Variants in ACOX3 observed in about 807,000 individuals in gnomAD.
The protein encoded by ACOX3 is acyl-CoA oxidase 3, pristanoyl.
ACOX3 carries 73 observed loss-of-function variants against 81.5 expected under a neutral mutation model. That is an observed-to-expected ratio of 0.90 (90% CI 0.74 to 1.09). The LOEUF is 1.09. Ranked by LOEUF, ACOX3 falls within the 50% of genes least tolerant of loss-of-function variation. The probability of loss-of-function intolerance (pLI) is 0.00; values close to 1 mark genes in which losing one functional copy is unlikely to be tolerated. For synonymous variants in ACOX3, 387 were observed against 375.1 expected (o/e 1.03, Z -0.37); for missense variants, 947 against 928.0 (o/e 1.02, Z -0.27).
intron 1 of ACOX3, among the ~76,000 whole-genome samples, chr4:8,435,832 T>C (rs1724206007): frequency 6.6e-6 from 1 of 152,110 alleles, no homozygotes; most frequent in African/African-American, 2.4e-5. Flanking sequence ...ACAGAAATTC[T>C]TTCTCCATAT....
At position 8,386,348 on chromosome 4, in the gene ACOX3, C is replaced by T. The variant is rs186828960; in HGVS notation, c.1537+2825G>A. Among the ~76,000 whole-genome samples the T allele has an allele frequency of 1.4e-4, 21 of 152,132 alleles. No homozygotes were observed. In the East Asian group the frequency reaches 2.1e-3, roughly 15 times the overall value. ...TCGGGAGGCCAAGGTGGGCGGATCA[C>T]GAGGTCAGGATATCGAGACCATCCT... On this transcript the variant is annotated intron_variant, in intron 13 of 17. Coordinates refer to ENST00000356406, the MANE Select transcript of ACOX3 (RefSeq NM_003501.3). The surrounding 1 kb of genome is among the most constrained non-coding windows in gnomAD (Gnocchi z 5.2).
At chr4:8,425,098 C>T (rs1262680348) in intron 1 of ACOX3, among the ~76,000 whole-genome samples, 4 of 152,132 alleles carry the variant, frequency 2.6e-5, no homozygotes, top group Non-Finnish European at 4.4e-5. Flanking sequence ...CGAGGGAACA[C>T]CTATCAAATC....
intron 1 of ACOX3, among the ~76,000 whole-genome samples, chr4:8,434,952 T>C (rs1390834816): frequency 6.6e-6 from 1 of 152,210 alleles, no homozygotes; most frequent in Non-Finnish European, 1.5e-5. Flanking sequence ...GAGTAACCTT[T>C]TACCCTTTCC....
At position 8,416,411 on chromosome 4, in the gene ACOX3, C is replaced by A; in HGVS notation, c.111G>T (p.Leu37=). ...GGAGCATGCCCTCCCCTTCCGTGAA[C>A]AGCGCCAGCTCCTTCCAGCTGAAGG... The part of the protein sequence containing the change: ...RASFSWKELA[L]FTEGEGMLRF... The change falls in exon 2 of 18, where the codon CTG becomes CTT. Residue 37 remains leucine, a synonymous_variant. Coordinates refer to ENST00000356406, the MANE Select transcript of ACOX3 (RefSeq NM_003501.3). This position sits in a 1 kb window ranked among gnomAD's most constrained non-coding sequence, Gnocchi z 4.2. 6.2e-7 allele frequency: 1 copy of A among 1,614,216 alleles called. No homozygotes were observed. The highest frequency in any genetic ancestry group is 1.1e-5 in the South Asian group (1 of 91,090).
chr4:8,363,314 A>T (rs958929822), downstream of ACOX3, among the ~76,000 whole-genome samples: 44 of 152,224 alleles, frequency 2.9e-4, 1 homozygote, highest in Non-Finnish European at 4.4e-5. Context: ...CTCTTTGTGT[A>T]GGAATATAGG....
Position 8,431,521 on chromosome 4 carries a change from T to C in ACOX3, c.-15+9127A>G, listed in dbSNP as rs1482498663. 6.6e-6 allele frequency among the ~76,000 whole-genome samples: 1 copy of C among 152,206 alleles called. No individual in the cohort carries two copies. Among genetic ancestry groups the C allele is most frequent in the African/African-American group, 2.4e-5 (1 of 41,454 alleles). On this transcript the variant is annotated intron_variant, in intron 1 of 17. Coordinates refer to ENST00000356406, the MANE Select transcript of ACOX3 (RefSeq NM_003501.3). The surrounding 1 kb of genome is among the most constrained non-coding windows in gnomAD (Gnocchi z 5.3). ...GAGAGGAAGGGGTCGTGCTACACTCTGTTGTATTTGGGACCTGGGTGGATG... is the reference window on the plus strand; with the variant it reads ...GAGAGGAAGGGGTCGTGCTACACTCCGTTGTATTTGGGACCTGGGTGGATG...
At position 8,368,814 on chromosome 4, in the gene ACOX3, G is replaced by A. The variant is rs1013044676; in HGVS notation, c.1984-1734C>T. Among the ~76,000 whole-genome samples the A allele has an allele frequency of 6.7e-6, 1 of 150,230 alleles. No individual in the cohort carries two copies. Among genetic ancestry groups the A allele is most frequent in the Non-Finnish European group, 1.5e-5 (1 of 67,760 alleles). The stretch of plus-strand genomic sequence containing the variant: ...CGCGATCACTGCCCACCACAGCCTC[G>A]ACCTCCCCAAGCTCAGGGGATCCTC... On this transcript the variant is annotated intron_variant, in intron 17 of 17. Coordinates refer to ENST00000356406, the MANE Select transcript of ACOX3 (RefSeq NM_003501.3). This position sits in a 1 kb window ranked among gnomAD's most constrained non-coding sequence, Gnocchi z 5.9.
chr4:8,369,462 G>A (rs745917442), intron 17 of ACOX3, among the ~76,000 whole-genome samples: 4 of 152,172 alleles, frequency 2.6e-5, no homozygotes, highest in African/African-American at 7.2e-5. Flanking sequence ...AGCTCTCAGC[G>A]GCAGTCATCA....
intron 6 of ACOX3, among the ~76,000 whole-genome samples, chr4:8,409,978 T>TGTGGAC (rs1276408590): frequency 6.6e-6 from 1 of 151,110 alleles, no homozygotes; most frequent in Non-Finnish European, 1.5e-5. Flanking sequence ...TGGGATGCAC[T>TGTGGAC]GTGGACGGGG....
rs1475710523 is a variant in ACOX3, at chr4:8,423,423, TA to T, written c.-14-6889del. ...GGAAGAATGCCCGTCCCGTTCAAGT[TA>T]AACTAAAGGATTCCGCCTCCTTTCC... On this transcript the variant is annotated intron_variant, in intron 1 of 17. Transcript: ENST00000356406. This position sits in a 1 kb window ranked among gnomAD's most constrained non-coding sequence, Gnocchi z 4.2. Among the ~76,000 whole-genome samples the T allele has an allele frequency of 6.6e-6, 1 of 152,114 alleles. No homozygotes were observed. The highest frequency in any genetic ancestry group is 1.5e-5 in the Non-Finnish European group (1 of 68,022).
chr4:8,369,865 G>A (rs909450566), intron 17 of ACOX3, among the ~76,000 whole-genome samples: 1 of 152,218 alleles, frequency 6.6e-6, no homozygotes, highest in South Asian at 2.1e-4. Context: ...AAACCCCTCT[G>A]TGACTCACAG....
intron 1 of ACOX3, among the ~76,000 whole-genome samples, chr4:8,421,810 G>A (rs1722978760): frequency 6.6e-6 from 1 of 152,082 alleles, no homozygotes. Context: ...TACCACCCTT[G>A]CCAGGGCCCC....
Position 8,406,145 on chromosome 4 carries a change from G to A in ACOX3, c.688-102C>T, listed in dbSNP as rs569315479. On this transcript the variant is annotated intron_variant, in intron 6 of 17. Coordinates refer to ENST00000356406, the MANE Select transcript of ACOX3 (RefSeq NM_003501.3). This position sits in a 1 kb window ranked among gnomAD's most constrained non-coding sequence, Gnocchi z 5.6. ...CCACAGGGTGGGCCATGGGCTCAAC[G>A]CTGGGCGGCTGTGGGTTAAACCATC... is the stretch of plus-strand genomic sequence containing the variant. The A allele has an allele frequency of 1.5e-5, 17 of 1,115,016 alleles. No homozygotes were observed. The highest frequency in any genetic ancestry group is 1.4e-4 in the East Asian group (6 of 42,372). 69.1% of individuals were successfully genotyped at this position (1,115,016 alleles called of 1,614,324 possible).
intron 5 of ACOX3, among the ~76,000 whole-genome samples, chr4:8,411,446 C>T (rs1721714372): frequency 6.6e-6 from 1 of 152,214 alleles, no homozygotes; most frequent in Non-Finnish European, 1.5e-5. Flanking sequence ...TGGCTGCCAG[C>T]CATGCCTTCT....
rs111879117 is a variant in ACOX3 at position 8,381,950 on chromosome 4, G to C, written c.1538-343C>G. Among the ~76,000 whole-genome samples the C allele has an allele frequency of 3.9e-5, 6 of 152,346 alleles. 1 individual carries two copies. The highest frequency in any genetic ancestry group is 3.9e-4 in the East Asian group (2 of 5,176). On this transcript the variant is annotated intron_variant, in intron 13 of 17. Coordinates refer to ENST00000356406, the MANE Select transcript of ACOX3 (RefSeq NM_003501.3). This position sits in a 1 kb window ranked among gnomAD's most constrained non-coding sequence, Gnocchi z 4.3. ...GCACGTTCTCGCACGCACCAGGCTC[G>C]GTCTGTGTGAAGCGTGGTGCTGCCT...
Position 8,389,856 on chromosome 4 carries a change from G to A in ACOX3, c.1301-122C>T, listed in dbSNP as rs543997569. The A allele has an allele frequency of 8.6e-4, 1,141 of 1,327,788 alleles. 16 individuals are homozygous for A. The highest frequency in any genetic ancestry group is 1.2e-3 in the Middle Eastern group (6 of 5,114). The allele number at this position is 1,327,788 out of a possible 1,614,324, so 82.3% of individuals were successfully genotyped here. On this transcript the variant is annotated intron_variant, in intron 11 of 17. Coordinates refer to ENST00000356406, the MANE Select transcript of ACOX3 (RefSeq NM_003501.3). This position sits in a 1 kb window ranked among gnomAD's most constrained non-coding sequence, Gnocchi z 5.3. Reference sequence around the variant, plus strand: ...GCGGTGGCTCACACCTGTAATGGCAGCACTTTGGGGGGCCGAGGCGGGTGG... The same window carrying A: ...GCGGTGGCTCACACCTGTAATGGCAACACTTTGGGGGGCCGAGGCGGGTGG...
chr4:8,401,229 G>C (rs1442030040), intron 7 of ACOX3, among the ~76,000 whole-genome samples: 1 of 152,038 alleles, frequency 6.6e-6, no homozygotes. Flanking sequence ...ACCTCCTGCT[G>C]GGTGGCCTAG....
chr4:8,422,105 C>G (rs1019616916), intron 1 of ACOX3, among the ~76,000 whole-genome samples: 7 of 150,972 alleles, frequency 4.6e-5, no homozygotes, highest in Non-Finnish European at 1.0e-4. Flanking sequence ...TTCCCAAAAT[C>G]CATCTATCAA....
rs757957639 is a variant in ACOX3, at chr4:8,397,060, G to A, written c.933C>T (p.Ile311=). 4.4e-5 allele frequency: 70 copies of A among 1,604,330 alleles called. No homozygotes were observed. In the South Asian group the frequency reaches 6.5e-4, roughly 15 times the overall value. ...TTAGGTTAAGGATGGCCAGGCTCAC[G>A]ATGGAGACCCGGCCCGAGGACAGGC... The part of the protein sequence containing the change: ...LGSLSSGRVS[I]VSLAILNLKL... The change falls in exon 9 of 18, where the codon ATC becomes ATT. Residue 311 remains isoleucine, a synonymous_variant. Transcript: ENST00000356406.
Sources: gnomAD v4.1 joint callset for allele counts (sites outside exome capture counted in the v4.1 genomes callset) on GRCh38, gnomAD v4.1.1 for gene constraint, Gnocchi (gnomAD v3.1) non-coding constraint, MANE v1.5 for transcripts, NCBI Gene and HGNC (gene_info 2026-07-23, HGNC 2026-07-21) for gene names.